SLC26A7: variants seen among roughly 807,000 people sequenced by gnomAD.
SLC26A7 encodes the protein solute carrier family 26 member 7.
SLC26A7 carries 59 observed loss-of-function variants against 82.5 expected under a neutral mutation model. The ratio of observed to expected loss-of-function variants is 0.72; its 90% confidence interval spans 0.58 to 0.89. SLC26A7 has a LOEUF of 0.89. SLC26A7 is among the 40% of genes least tolerant of loss of function. The pLI, the probability that SLC26A7 is intolerant of heterozygous loss-of-function variation, is 0.00. For missense variants in SLC26A7, 820 were observed against 793.0 expected (o/e 1.03, Z -0.41); for synonymous variants, 271 against 274.3 (o/e 0.99, Z 0.12).
At chr8:91,231,386 CAGAT>C (rs1228771777) in intron 2 of SLC26A7, among the ~76,000 whole-genome samples, 2 of 152,110 alleles carry the variant, frequency 1.3e-5, no homozygotes, top group African/African-American at 4.8e-5. Context: ...GTTGTAGTCT[CAGAT>C]AGCAAAAATA....
intron 11 of SLC26A7, among the ~76,000 whole-genome samples, chr8:91,357,896 A>C (rs1339124793): frequency 1.3e-5 from 2 of 152,216 alleles, no homozygotes; most frequent in Non-Finnish European, 2.9e-5. Context: ...TCTACAATGA[A>C]CTCAAACAAA....
At chr8:91,270,985 CA>C (rs751040957) in intron 2 of SLC26A7, among the ~76,000 whole-genome samples, 62 of 152,184 alleles carry the variant, frequency 4.1e-4, no homozygotes, top group Non-Finnish European at 6.6e-4. Flanking sequence ...TCTTCTCTGT[CA>C]AGATCTGAAC....
Position 91,340,553 on chromosome 8 carries a change from T to G in SLC26A7, c.1026+2T>G. The G allele has an allele frequency of 6.2e-7, 1 of 1,613,746 alleles. No individual in the cohort carries two copies. The highest frequency in any genetic ancestry group is 1.3e-5 in the African/African-American group (1 of 74,964). On this transcript the variant is annotated splice_donor_variant, in intron 8 of 18. Transcript: ENST00000276609. LOFTEE classifies it high-confidence loss of function. ...AAATATTCAATTGATGACAACCAGG[T>G]GGAGTGTGCCCCCAGTCCCTCTCCA...
At chr8:91,235,584 G>A (rs779035757) in intron 2 of SLC26A7, among the ~76,000 whole-genome samples, 3 of 152,092 alleles carry the variant, frequency 2.0e-5, no homozygotes, top group Non-Finnish European at 4.4e-5. Context: ...ATGTCTGGGA[G>A]CCACAGAAAT....
At chr8:91,255,227 C>T (rs1810769560) in intron 2 of SLC26A7, among the ~76,000 whole-genome samples, 1 of 152,054 alleles carries the variant, frequency 6.6e-6, no homozygotes, top group South Asian at 2.1e-4. Context: ...ATAGGGTTGC[C>T]TGATGTTCAA....
chr8:91,271,668 C>T (rs559771433), intron 2 of SLC26A7, among the ~76,000 whole-genome samples: 2 of 147,544 alleles, frequency 1.4e-5, no homozygotes, highest in African/African-American at 5.1e-5. Flanking sequence ...GATCTTGGCT[C>T]ACTGGAAGTT....
intron 16 of SLC26A7, among the ~76,000 whole-genome samples, chr8:91,393,398 G>C (rs1402184782): frequency 3.3e-5 from 5 of 152,102 alleles, no homozygotes; most frequent in African/African-American, 1.2e-4. Flanking sequence ...TAGAGCCCGT[G>C]AATATATCCA....
intron 2 of SLC26A7, among the ~76,000 whole-genome samples, chr8:91,231,053 A>G (rs570517158): frequency 6.6e-6 from 1 of 152,298 alleles, no homozygotes; most frequent in African/African-American, 2.4e-5. Flanking sequence ...TCTGGGTTTT[A>G]TCTGGGTATT....
chr8:91,220,233 G>C (rs1050989565), intron 2 of SLC26A7, among the ~76,000 whole-genome samples: 1 of 152,104 alleles, frequency 6.6e-6, no homozygotes, highest in Non-Finnish European at 1.5e-5. Flanking sequence ...AAAAAACCAA[G>C]TACAAATGAG....
chr8:91,390,177 C>T (rs981819207), intron 16 of SLC26A7, among the ~76,000 whole-genome samples: 1 of 149,542 alleles, frequency 6.7e-6, no homozygotes, highest in Non-Finnish European at 1.5e-5. Flanking sequence ...GTGGCGCGAT[C>T]TCGGCTCACT....
rs769725869 is a variant in SLC26A7, at chr8:91,396,802, T to C, written c.*1705T>C. 31 of 152,078 alleles carry C rather than the reference T, an allele frequency of 2.0e-4. No homozygotes were observed. The highest frequency in any genetic ancestry group is 3.7e-4 in the Non-Finnish European group (25 of 67,934). The allele number at this position is 152,078 out of a possible 1,614,324, so 9.4% of individuals were successfully genotyped here. Reference sequence around the variant, plus strand: ...AATAATTTTATTCTGCTTTGTCCAATTAAATTATTCCAATGGCGGATGGTA... The same window carrying C: ...AATAATTTTATTCTGCTTTGTCCAACTAAATTATTCCAATGGCGGATGGTA... On this transcript the variant is annotated 3_prime_UTR_variant, in exon 19 of 19. Transcript: ENST00000276609.
intron 4 of SLC26A7, among the ~76,000 whole-genome samples, chr8:91,315,442 G>A (rs1465422039): frequency 1.2e-4 from 17 of 142,406 alleles, no homozygotes; most frequent in Admixed American, 5.7e-4. Context: ...AACTGACCAC[G>A]AATCAAGAGC....
chr8:91,234,087 A>G (rs1810352322), intron 2 of SLC26A7, among the ~76,000 whole-genome samples: 1 of 152,212 alleles, frequency 6.6e-6, no homozygotes, highest in Non-Finnish European at 1.5e-5. Flanking sequence ...TAATTTTCCT[A>G]ATCAACTTAG....
chr8:91,252,799 C>A (rs1038426324), intron 2 of SLC26A7, among the ~76,000 whole-genome samples: 3 of 152,056 alleles, frequency 2.0e-5, no homozygotes, highest in Non-Finnish European at 2.9e-5. Context: ...ATATTTTGGC[C>A]AAGGGAAAAT....
chr8:91,352,612 G>A (rs1813748034), intron 10 of SLC26A7, among the ~76,000 whole-genome samples: 1 of 151,938 alleles, frequency 6.6e-6, no homozygotes, highest in Non-Finnish European at 1.5e-5. Context: ...AGTTAAGAGG[G>A]CATTTAGCTT....
intron 2 of SLC26A7, chr8:91,219,076 A>G (rs1006945351): frequency 4.5e-6 from 3 of 663,938 alleles, no homozygotes; most frequent in African/African-American, 3.7e-5. Flanking sequence ...TGCCCTACTT[A>G]AGATACCATG....
intron 9 of SLC26A7, among the ~76,000 whole-genome samples, chr8:91,346,405 T>A (rs1185227721): frequency 6.6e-6 from 1 of 152,134 alleles, no homozygotes; most frequent in Non-Finnish European, 1.5e-5. Flanking sequence ...AATAGGCTAT[T>A]TGTGAAAGCA....
At chr8:91,329,603 G>C (rs1813023027) in intron 5 of SLC26A7, among the ~76,000 whole-genome samples, 1 of 152,032 alleles carries the variant, frequency 6.6e-6, no homozygotes, top group Admixed American at 6.6e-5. Flanking sequence ...ATTTGGTATG[G>C]CTTGGAAGTT....
At chr8:91,248,234 C>T (rs1367162641), upstream of SLC26A7, among the ~76,000 whole-genome samples, 1 of 152,044 alleles carries the variant, frequency 6.6e-6, no homozygotes, top group African/African-American at 2.4e-5. Context: ...AATTCCCCCC[C>T]ACCCCGCTGC....
Sources: allele counts gnomAD v4.1 joint callset (sites outside exome capture counted in the v4.1 genomes callset), GRCh38; gene constraint gnomAD v4.1.1; transcripts MANE v1.5; gene names NCBI Gene and HGNC (gene_info 2026-07-23, HGNC 2026-07-21).